Variants in PRELID2 observed in about 807,000 individuals in gnomAD.
PRELID2 encodes PRELI domain-containing protein 2.
Under a neutral mutation model 28.4 loss-of-function variants are expected in PRELID2, and 25 were observed. The observed-to-expected ratio is 0.88, with a 90% CI of 0.64 to 1.23. The LOEUF is 1.23. Ranked by LOEUF, PRELID2 falls within the 50% of genes most tolerant of loss-of-function variation. The pLI is 0.00. For synonymous variants in PRELID2, 76 were observed against 71.6 expected, an observed-to-expected ratio of 1.06 and a Z score of -0.31; for missense variants, 201 against 214.4, an observed-to-expected ratio of 0.94 and a Z score of 0.39.
chr5:145,244,259 C>T, the PRELID2 span, among the ~76,000 whole-genome samples: 76 of 152,078 alleles, frequency 5.0e-4, 1 homozygote, highest in Non-Finnish European at 9.4e-4. Flanking sequence ...CTGGCCCCAA[C>T]TTTTTTGTAA....
intron 1 of PRELID2, among the ~76,000 whole-genome samples, chr5:145,696,715 C>T (rs111535942): frequency 0.011 from 1,746 of 152,014 alleles, 40 homozygotes; most frequent in African/African-American, 0.04. Flanking sequence ...CTGCCCACCT[C>T]GGCCTCCCAA....
At chr5:145,272,810 A>G in the PRELID2 span, among the ~76,000 whole-genome samples, 2 of 149,468 alleles carry the variant, frequency 1.3e-5, no homozygotes, top group Admixed American at 6.7e-5. Flanking sequence ...TAATATAGAC[A>G]TATATTTTAA....
intron 1 of PRELID2, among the ~76,000 whole-genome samples, chr5:145,630,122 T>TTAGATGCATGGATGGA (rs755496433): frequency 0.033 from 4,918 of 147,020 alleles, 96 homozygotes; most frequent in East Asian, 0.069. Flanking sequence ...AAAAAAATGT[T>TTAGATGCATGGATGGA]TGGATGCATG....
chr5:145,787,179 G>A (rs537813990), intron 5 of PRELID2, among the ~76,000 whole-genome samples: 16 of 152,290 alleles, frequency 1.1e-4, no homozygotes, highest in East Asian at 5.8e-4. Flanking sequence ...ACGTCTATGC[G>A]ATTGCATAAT....
the PRELID2 span, among the ~76,000 whole-genome samples, chr5:145,348,396 T>A: frequency 6.6e-6 from 1 of 152,064 alleles, no homozygotes; most frequent in Non-Finnish European, 1.5e-5. Context: ...AACCTTATAG[T>A]CCCTTTTTCT....
At chr5:145,297,688 T>C in the PRELID2 span, among the ~76,000 whole-genome samples, 1 of 152,002 alleles carries the variant, frequency 6.6e-6, no homozygotes, top group Non-Finnish European at 1.5e-5. Context: ...TGTCCCTGTT[T>C]GCAGATGACA....
At chr5:145,690,627 T>C (rs911427372) in intron 1 of PRELID2, among the ~76,000 whole-genome samples, 3 of 152,176 alleles carry the variant, frequency 2.0e-5, no homozygotes, top group Admixed American at 2.0e-4. Flanking sequence ...AGGTCCAAGC[T>C]GTAACTGAAG....
intron 2 of PRELID2, among the ~76,000 whole-genome samples, chr5:145,821,150 T>C (rs1581273210): frequency 7.8e-6 from 1 of 128,564 alleles, no homozygotes; most frequent in East Asian, 2.1e-4. Flanking sequence ...CCAACTCTCC[T>C]GGGTGTGTGT....
chr5:145,342,591 T>C, the PRELID2 span, among the ~76,000 whole-genome samples: 1 of 152,128 alleles, frequency 6.6e-6, no homozygotes, highest in Non-Finnish European at 1.5e-5. Context: ...TGCTGCTTGA[T>C]ATCTCACCAG....
intron 1 of PRELID2, among the ~76,000 whole-genome samples, chr5:145,659,820 T>C (rs1754459275): frequency 6.6e-6 from 1 of 152,232 alleles, no homozygotes; most frequent in African/African-American, 2.4e-5. Context: ...TACAACTTCA[T>C]TTAACACTGT....
In PRELID2 at chr5:145,818,035, G is replaced by C. The variant is rs753884647; in HGVS notation, c.227C>G (p.Pro76Arg). The change falls in exon 4 of 7, where the codon CCT becomes CGT. Residue 76 changes from proline to arginine, a missense_variant. Physicochemically the swap from Pro to Arg is moderately radical, Grantham distance 103. Coordinates refer to ENST00000683046, the MANE Select transcript of PRELID2 (RefSeq NM_205846.3). Reference sequence around the variant, plus strand: ...TGACTCCTCTTCTAATTGGATATTAGGTACTTTCAAAATGCTCACCTGTCC... The same window carrying C: ...TGACTCCTCTTCTAATTGGATATTACGTACTTTCAAAATGCTCACCTGTCC... ...ILRKVSILKVPNIQLEEESWL... is the reference protein window; with the variant it reads ...ILRKVSILKVRNIQLEEESWL... The C allele has an allele frequency of 3.1e-6, 5 of 1,611,966 alleles. No individual in the cohort carries two copies. The highest frequency in any genetic ancestry group is 4.2e-6 in the Non-Finnish European group (5 of 1,179,028).
intron 1 of PRELID2, among the ~76,000 whole-genome samples, chr5:145,586,559 G>C (rs1248999774): frequency 6.6e-6 from 1 of 152,058 alleles, no homozygotes; most frequent in Admixed American, 6.6e-5. Flanking sequence ...TAACTTATTA[G>C]CTGTCAGCTT....
At chr5:145,826,634 T>C (rs986697135) in intron 1 of PRELID2, among the ~76,000 whole-genome samples, 4 of 152,142 alleles carry the variant, frequency 2.6e-5, no homozygotes, top group Non-Finnish European at 5.9e-5. Context: ...AAGGGTAAAA[T>C]GTAGACGTGC....
chr5:145,681,393 T>G (rs1416133651), intron 1 of PRELID2, among the ~76,000 whole-genome samples: 1 of 152,186 alleles, frequency 6.6e-6, no homozygotes, highest in East Asian at 1.9e-4. Context: ...AGATAAACAC[T>G]CTGAGAGTAA....
chr5:145,742,746 A>T (rs1257328772), intron 1 of PRELID2, among the ~76,000 whole-genome samples: 1 of 151,346 alleles, frequency 6.6e-6, no homozygotes, highest in Admixed American at 6.6e-5. Context: ...AATAATAAAG[A>T]TAAGAGCAGA....
At position 145,739,179 on chromosome 5, in the gene PRELID2, T is replaced by G. The variant is rs140575202; in HGVS notation, n.70+25752A>C. ...CTACCCTAAAAGAATGGCTGAAGTA[T>G]ATTCTCTAAACATAAAAACAATTTA... On this transcript the variant is annotated intron_variant and non_coding_transcript_variant, in intron 1 of 2. Transcript: ENST00000510259. Among the ~76,000 whole-genome samples the G allele has an allele frequency of 1.5e-3, 236 of 152,294 alleles. 1 individual carries two copies. The highest frequency in any genetic ancestry group is 5.2e-3 in the African/African-American group (215 of 41,568).
chr5:145,269,319 T>C, the PRELID2 span, among the ~76,000 whole-genome samples: 221 of 152,172 alleles, frequency 1.5e-3, no homozygotes, highest in African/African-American at 5.1e-3. Flanking sequence ...ATTGAAACAA[T>C]AAATCTTCCA....
the PRELID2 span, among the ~76,000 whole-genome samples, chr5:145,372,851 ATAT>A: frequency 2.2e-5 from 3 of 139,058 alleles, no homozygotes; most frequent in Non-Finnish European, 3.1e-5. Context: ...ATAAGGTTAT[ATAT>A]TATTATTATA....
chr5:145,524,163 C>T (rs1331388906), intron 1 of PRELID2, among the ~76,000 whole-genome samples: 5 of 152,174 alleles, frequency 3.3e-5, no homozygotes, highest in Non-Finnish European at 1.5e-5. Context: ...TCCTCCCTGG[C>T]TGGCTCCCTC....
Sources: allele counts gnomAD v4.1 joint callset (sites outside exome capture counted in the v4.1 genomes callset), GRCh38; gene constraint gnomAD v4.1.1; transcripts MANE v1.5; gene names NCBI Gene and HGNC (gene_info 2026-07-23, HGNC 2026-07-21).